The following WWC2 variants were observed in gnomAD, a reference collection of about 807,000 sequenced individuals.
The protein encoded by WWC2 is protein WWC2.
Under a neutral mutation model 138.5 loss-of-function variants are expected in WWC2, and 101 were observed. The observed-to-expected ratio is 0.73, with a 90% CI of 0.62 to 0.86. WWC2 has a LOEUF of 0.86. Among genes scored for constraint, WWC2 ranks in the 40% least tolerant of loss-of-function variants. The pLI is 0.00. For missense variants in WWC2, 1,420 were observed against 1,419.4 expected (o/e 1.00, Z -0.01); for synonymous variants, 558 against 538.4 (o/e 1.04, Z -0.50).
At chr4:183,149,760 C>T (rs1733587226) in intron 1 of WWC2, among the ~76,000 whole-genome samples, 2 of 147,736 alleles carry the variant, frequency 1.4e-5, no homozygotes, top group South Asian at 2.1e-4. Context: ...TGCTCACATT[C>T]AGAATATATG....
intron 1 of WWC2, among the ~76,000 whole-genome samples, chr4:183,127,271 A>G (rs916886525): frequency 1.3e-5 from 2 of 152,232 alleles, no homozygotes. Context: ...TCGAGGCATT[A>G]TATAAAACCC....
At chr4:183,184,554 A>C (rs1734736876) in intron 1 of WWC2, among the ~76,000 whole-genome samples, 1 of 152,198 alleles carries the variant, frequency 6.6e-6, no homozygotes, top group Non-Finnish European at 1.5e-5. Context: ...GGAATTGCTA[A>C]ACCATTTTCT....
intron 22 of WWC2, among the ~76,000 whole-genome samples, chr4:183,312,857 A>G (rs1222987234): frequency 6.6e-6 from 1 of 152,220 alleles, no homozygotes; most frequent in Non-Finnish European, 1.5e-5. Context: ...TGTGGAGGCT[A>G]AGAACATGTG....
At chr4:183,175,997 C>T (rs7695850) in intron 1 of WWC2, among the ~76,000 whole-genome samples, 149,741 of 152,362 alleles carry the variant, frequency 0.98, 73,630 homozygotes, top group Middle Eastern at 1. Context: ...ATGACTTATG[C>T]TTGCTTCAAA....
chr4:183,289,446 A>C lies in WWC2; in HGVS notation c.3195A>C (p.Thr1065=), dbSNP rs34754577. 8.6e-4 allele frequency: 1,382 copies of C among 1,613,028 alleles called. 13 individuals carry two copies. The African/African-American group carries it at 0.016, about 18-fold the overall frequency. Residue 1065 remains threonine, a synonymous_variant, in exon 21 of 23, where the codon ACA becomes ACC. Coordinates refer to ENST00000403733, the MANE Select transcript of WWC2 (RefSeq NM_024949.6). Reference sequence around the variant, plus strand: ...CAACACAGGAATGCCCAGTGCGGACATCTCTAGACTTAGAACTGGACCTTC... The same window carrying C: ...CAACACAGGAATGCCCAGTGCGGACCTCTCTAGACTTAGAACTGGACCTTC... ...RRTTQECPVR[T]SLDLELDLQA...
chr4:183,214,668 C>T (rs894924022), intron 4 of WWC2, among the ~76,000 whole-genome samples: 4 of 151,570 alleles, frequency 2.6e-5, no homozygotes, highest in East Asian at 1.9e-4. Flanking sequence ...GGCACATGCC[C>T]GTAATCCCAG....
At chr4:183,231,886 ACT>A (rs1736257075) in intron 4 of WWC2, among the ~76,000 whole-genome samples, 1 of 152,166 alleles carries the variant, frequency 6.6e-6, no homozygotes, top group African/African-American at 2.4e-5. Flanking sequence ...TTGAGCAAAG[ACT>A]GGACAGCAGT....
intron 1 of WWC2, among the ~76,000 whole-genome samples, chr4:183,105,890 A>T (rs1200853138): frequency 1.4e-5 from 2 of 138,102 alleles, no homozygotes; most frequent in African/African-American, 2.7e-5. Flanking sequence ...ACTCTGTCTT[A>T]AAAAAAAAAA....
intron 16 of WWC2, among the ~76,000 whole-genome samples, chr4:183,279,179 G>C (rs1737977975): frequency 6.6e-6 from 1 of 152,060 alleles, no homozygotes; most frequent in East Asian, 1.9e-4. Context: ...AGAGTTTTTA[G>C]CATGAAGGGT....
rs550728551 is a variant in WWC2, at chr4:183,312,566, G to T, written c.3512+98G>T. 15 of 1,534,814 alleles carry T rather than the reference G, an allele frequency of 9.8e-6. No homozygotes were observed. The African/African-American group carries it at 1.4e-4, about 14-fold the overall frequency. On this transcript the variant is annotated intron_variant, in intron 22 of 22. Transcript: ENST00000403733. ...GCAGTGAAAGTTAATATGAGGATCC[G>T]AGACAGAAGTCCTCTGTTCTCTACC...
chr4:183,287,085 T>A (rs1738284496), intron 20 of WWC2, among the ~76,000 whole-genome samples: 2 of 152,058 alleles, frequency 1.3e-5, no homozygotes, highest in Admixed American at 1.3e-4. Flanking sequence ...GCATGATGGC[T>A]GGGAAGGTAA....
intron 1 of WWC2, among the ~76,000 whole-genome samples, chr4:183,164,132 T>C (rs949267592): frequency 6.6e-6 from 1 of 151,480 alleles, no homozygotes; most frequent in Non-Finnish European, 1.5e-5. Flanking sequence ...AGAAGGTCCA[T>C]ATAAGAGATT....
chr4:183,278,572 A>G (rs1396014822), intron 16 of WWC2, among the ~76,000 whole-genome samples: 1 of 151,858 alleles, frequency 6.6e-6, no homozygotes, highest in Admixed American at 6.6e-5. Context: ...CTTGGGCAGT[A>G]TGGCCATTTT....
intron 1 of WWC2, among the ~76,000 whole-genome samples, chr4:183,137,307 A>G (rs1037881678): frequency 1.3e-5 from 2 of 152,144 alleles, no homozygotes; most frequent in South Asian, 2.1e-4. Context: ...ACACACACAC[A>G]TTGTACACCT....
rs370409813 is a variant in WWC2, at chr4:183,124,536, C to CTT, written c.131+24929_131+24930dup. Among the ~76,000 whole-genome samples the CTT allele has an allele frequency of 2.5e-3, 304 of 122,792 alleles. 2 individuals are homozygous for CTT. The highest frequency in any genetic ancestry group is 8.5e-3 in the African/African-American group (274 of 32,178). 80.6% of individuals were successfully genotyped at this position (122,792 alleles called of 152,430 possible). A position where few individuals can be genotyped will look rare whatever the true frequency, so the allele number is the denominator to read the frequency against. On this transcript the variant is annotated intron_variant, in intron 1 of 22. Transcript: ENST00000403733. ...TGCTTTTTCTTTTTTTCCTTTTTCT[C>CTT]TTTTTTTTTTTTTTTTGCTGGGATT...
At chr4:183,194,213 G>T (rs558812942) in intron 2 of WWC2, among the ~76,000 whole-genome samples, 1 of 152,106 alleles carries the variant, frequency 6.6e-6, no homozygotes, top group Non-Finnish European at 1.5e-5. Context: ...TTTCTTTGTC[G>T]TTGGAAGGGA....
chr4:183,252,769 G>A (rs548658459), intron 8 of WWC2, among the ~76,000 whole-genome samples: 28 of 152,154 alleles, frequency 1.8e-4, no homozygotes, highest in Non-Finnish European at 3.4e-4. Flanking sequence ...TACACCAGTC[G>A]GGGCACTGAT....
chr4:183,234,769 G>A (rs549586793), intron 4 of WWC2, among the ~76,000 whole-genome samples: 1 of 152,126 alleles, frequency 6.6e-6, no homozygotes, highest in South Asian at 2.1e-4. Flanking sequence ...CCTGGAATAC[G>A]TTAAAAGCAC....
chr4:183,312,872 C>T (rs1396189924), intron 22 of WWC2, among the ~76,000 whole-genome samples: 2 of 152,204 alleles, frequency 1.3e-5, no homozygotes, highest in African/African-American at 4.8e-5. Flanking sequence ...CATGTGCATT[C>T]GTTCTGCTCT....
Sources: allele counts gnomAD v4.1 joint callset (sites outside exome capture counted in the v4.1 genomes callset), GRCh38; gene constraint gnomAD v4.1.1; transcripts MANE v1.5; gene names NCBI Gene and HGNC (gene_info 2026-07-23, HGNC 2026-07-21).